The following CCDC91 variants were observed in gnomAD, a reference collection of about 807,000 sequenced individuals.
CCDC91 encodes coiled-coil domain containing 91, also known as coiled-coil domain-containing protein 91.
In CCDC91, 48 loss-of-function variants were observed where a neutral mutation model predicts 63.2. That is an observed-to-expected ratio of 0.76 (90% CI 0.60 to 0.97). CCDC91 has a LOEUF of 0.97. Among genes scored for constraint, CCDC91 ranks in the 50% least tolerant of loss-of-function variants. The probability of loss-of-function intolerance (pLI) is 0.00; values close to 1 mark genes in which losing one functional copy is unlikely to be tolerated. For synonymous variants in CCDC91, 167 were observed against 165.8 expected, an observed-to-expected ratio of 1.01 and a Z score of -0.06; for missense variants, 500 against 494.6, an observed-to-expected ratio of 1.01 and a Z score of -0.10.
intron 6 of CCDC91, among the ~76,000 whole-genome samples, chr12:28,314,412 C>T (rs776544143): frequency 2.0e-5 from 3 of 151,940 alleles, no homozygotes; most frequent in Non-Finnish European, 2.9e-5. Flanking sequence ...CAAGAGGCTA[C>T]TATAATAATT....
intron 8 of CCDC91, among the ~76,000 whole-genome samples, chr12:28,447,044 G>C (rs1949536555): frequency 6.6e-6 from 1 of 152,158 alleles, no homozygotes; most frequent in South Asian, 2.1e-4. Flanking sequence ...TGGTATTTTT[G>C]CTAGAGTACA....
At chr12:28,278,191 C>T (rs979753950) in intron 3 of CCDC91, among the ~76,000 whole-genome samples, 10 of 151,982 alleles carry the variant, frequency 6.6e-5, no homozygotes, top group Non-Finnish European at 4.4e-5. Context: ...TCGTCTGTGG[C>T]ATTTTATACT....
chr12:28,540,832 C>G (rs762223555), intron 12 of CCDC91, among the ~76,000 whole-genome samples: 1 of 152,010 alleles, frequency 6.6e-6, no homozygotes, highest in Non-Finnish European at 1.5e-5. Context: ...TTCATATTCT[C>G]TTGGATTGCT....
At chr12:28,318,984 C>T (rs2137362639) in intron 6 of CCDC91, among the ~76,000 whole-genome samples, 1 of 151,988 alleles carries the variant, frequency 6.6e-6, no homozygotes. Flanking sequence ...TTTGAGGGGA[C>T]AGAAAAGACT....
At chr12:28,331,897 G>C (rs1941547415) in intron 6 of CCDC91, among the ~76,000 whole-genome samples, 1 of 152,044 alleles carries the variant, frequency 6.6e-6, no homozygotes, top group Non-Finnish European at 1.5e-5. Context: ...TCAAACACTG[G>C]AGATATCATA....
intron 12 of CCDC91, among the ~76,000 whole-genome samples, chr12:28,537,176 T>G (rs1222867693): frequency 6.6e-6 from 1 of 152,176 alleles, no homozygotes; most frequent in Admixed American, 6.5e-5. Flanking sequence ...TTTTTTCTTT[T>G]TCACTATTCT....
intron 3 of CCDC91, among the ~76,000 whole-genome samples, chr12:28,294,393 C>T (rs11049511): frequency 1.8e-4 from 28 of 152,042 alleles, no homozygotes; most frequent in African/African-American, 5.5e-4. Context: ...TGGTTCCCCC[C>T]GCATGCTGTT....
At position 28,484,140 on chromosome 12, in the gene CCDC91, T is replaced by G. The variant is rs750740272; in HGVS notation, c.1190T>G (p.Ile397Arg). The change falls in exon 12 of 13, where the codon ATA becomes AGA. Residue 397 changes from isoleucine (I) to arginine (R), a missense_variant. Ile to Arg is a moderately conservative substitution (Grantham distance 97). Coordinates refer to ENST00000536442, the MANE Select transcript of CCDC91 (RefSeq NM_018318.5). Reference protein sequence around the residue: ...EAVKRTRDELIEYIKEQKRLD... With the variant: ...EAVKRTRDELREYIKEQKRLD... Reference sequence around the variant, plus strand: ...GTGAAAAGAACAAGAGATGAATTGATAGAGTATATAAAAGAACAGAAAAGG... The same window carrying G: ...GTGAAAAGAACAAGAGATGAATTGAGAGAGTATATAAAAGAACAGAAAAGG... 1 of 1,607,044 alleles carries G rather than the reference T, an allele frequency of 6.2e-7. No individual in the cohort carries two copies. Among genetic ancestry groups the G allele is most frequent in the South Asian group, 1.1e-5 (1 of 90,014 alleles).
chr12:28,252,749 T>A (rs890144652), intron 1 of CCDC91, among the ~76,000 whole-genome samples: 1 of 152,128 alleles, frequency 6.6e-6, no homozygotes, highest in Non-Finnish European at 1.5e-5. Flanking sequence ...TCTCTATTTT[T>A]TTCTTCTATT....
intron 8 of CCDC91, among the ~76,000 whole-genome samples, chr12:28,417,638 T>TATAC (rs202200531): frequency 8.3e-6 from 1 of 120,152 alleles, no homozygotes; most frequent in Non-Finnish European, 2.0e-5. Context: ...TATATATATA[T>TATAC]ATACACACAC....
intron 11 of CCDC91, among the ~76,000 whole-genome samples, chr12:28,478,805 T>G (rs1423842847): frequency 6.6e-6 from 1 of 152,068 alleles, no homozygotes; most frequent in Non-Finnish European, 1.5e-5. Context: ...GGGCAAAGTA[T>G]ATGAAGAGAC....
chr12:28,320,100 T>C (rs1940329545), intron 6 of CCDC91, among the ~76,000 whole-genome samples: 1 of 151,996 alleles, frequency 6.6e-6, no homozygotes, highest in Non-Finnish European at 1.5e-5. Flanking sequence ...TATGCTATTA[T>C]AATTATGATA....
chr12:28,298,861 ATTT>A (rs749067287), intron 3 of CCDC91, among the ~76,000 whole-genome samples: 1 of 151,224 alleles, frequency 6.6e-6, no homozygotes, highest in Non-Finnish European at 1.5e-5. Context: ...CAGGATTTAT[ATTT>A]TTAACCCAAA....
chr12:28,362,454 A>T lies in CCDC91; in HGVS notation c.593A>T (p.Glu198Val), dbSNP rs1373750083. 3 of 1,589,780 alleles carry T rather than the reference A, an allele frequency of 1.9e-6. No homozygotes were observed. Among genetic ancestry groups the T allele is most frequent in the Non-Finnish European group, 2.6e-6 (3 of 1,167,304 alleles). The change falls in exon 7 of 13, where the codon GAA becomes GTA. Residue 198 changes from glutamate (E) to valine (V), a missense_variant. Glu to Val is a moderately radical substitution (Grantham distance 121). Coordinates refer to ENST00000536442, the MANE Select transcript of CCDC91 (RefSeq NM_018318.5). Reference sequence around the variant, plus strand: ...TTCTTTCAGGAAAAACATAAACAAGAATTGGAAGACATGAGGAAAGCTGGT... The same window carrying T: ...TTCTTTCAGGAAAAACATAAACAAGTATTGGAAGACATGAGGAAAGCTGGT... The part of the protein sequence containing the change: ...YKELQEKHKQ[E>V]LEDMRKAGHE...
intron 11 of CCDC91, among the ~76,000 whole-genome samples, chr12:28,471,277 C>T (rs1390989146): frequency 1.3e-5 from 2 of 152,038 alleles, no homozygotes; most frequent in Non-Finnish European, 2.9e-5. Flanking sequence ...TATGAAATTC[C>T]GCAAAATATT....
intron 3 of CCDC91, among the ~76,000 whole-genome samples, chr12:28,298,842 T>G (rs1565755886): frequency 6.6e-6 from 1 of 151,358 alleles, no homozygotes; most frequent in Non-Finnish European, 1.5e-5. Flanking sequence ...TCATACTGTT[T>G]GAAATCTTCA....
rs569085628 is a variant in CCDC91, at chr12:28,358,862, G to A, written c.577-3576G>A. ...CAGCAGCAAATAGCAAGTATAGCAA[G>A]TGTAATAGTCTTACACTTTTAATAG... is the stretch of plus-strand genomic sequence containing the variant. On this transcript the variant is annotated intron_variant, in intron 6 of 12. Transcript: ENST00000536442. Among the ~76,000 whole-genome samples the A allele has an allele frequency of 3.9e-5, 6 of 152,260 alleles. No individual in the cohort carries two copies. In the East Asian group the frequency reaches 7.7e-4, roughly 20 times the overall value.
chr12:28,349,542 T>G (rs1943042848), intron 6 of CCDC91, among the ~76,000 whole-genome samples: 1 of 152,200 alleles, frequency 6.6e-6, no homozygotes, highest in Non-Finnish European at 1.5e-5. Flanking sequence ...CATCTTTAAT[T>G]TCTTAGTTTT....
chr12:28,523,013 A>C (rs1940881605), intron 12 of CCDC91, among the ~76,000 whole-genome samples: 1 of 152,180 alleles, frequency 6.6e-6, no homozygotes, highest in Admixed American at 6.5e-5. Flanking sequence ...CAGTTTTTGA[A>C]TAAGTGTGAT....
Sources: gnomAD v4.1 joint callset for allele counts (sites outside exome capture counted in the v4.1 genomes callset) on GRCh38, gnomAD v4.1.1 for gene constraint, MANE v1.5 for transcripts, NCBI Gene and HGNC (gene_info 2026-07-23, HGNC 2026-07-21) for gene names.